Variants in HS3ST4 observed in about 807,000 individuals in gnomAD.
The protein encoded by HS3ST4 is heparan sulfate glucosamine 3-O-sulfotransferase 4.
In HS3ST4, 17 loss-of-function variants were observed where a neutral mutation model predicts 29.2. The observed-to-expected ratio is 0.58, with a 90% CI of 0.40 to 0.87. The LOEUF (loss-of-function observed/expected upper bound fraction) is 0.87. HS3ST4 is among the 40% of genes least tolerant of loss of function. The pLI is 0.00. For missense variants in HS3ST4, 627 were observed against 634.5 expected, an observed-to-expected ratio of 0.99 and a Z score of 0.13; for synonymous variants, 314 against 285.7, an observed-to-expected ratio of 1.10 and a Z score of -1.00.
chr16:25,957,230 C>T (rs1448275322), intron 1 of HS3ST4, among the ~76,000 whole-genome samples: 1 of 152,148 alleles, frequency 6.6e-6, no homozygotes, highest in African/African-American at 2.4e-5. Flanking sequence ...AAAAACCTCC[C>T]CCATGTTTCA....
At chr16:25,917,569 A>G (rs1298265213) in intron 1 of HS3ST4, among the ~76,000 whole-genome samples, 1 of 152,160 alleles carries the variant, frequency 6.6e-6, no homozygotes. Flanking sequence ...TAGGTGGACT[A>G]TGTGGAGTGA....
At chr16:26,131,629 C>A (rs1899420679) in intron 1 of HS3ST4, among the ~76,000 whole-genome samples, 1 of 152,172 alleles carries the variant, frequency 6.6e-6, no homozygotes, top group Non-Finnish European at 1.5e-5. Flanking sequence ...ATCCAAAGCC[C>A]AGGTTAGCAG....
chr16:25,873,127 T>G (rs961331791), intron 1 of HS3ST4, among the ~76,000 whole-genome samples: 1 of 151,998 alleles, frequency 6.6e-6, no homozygotes, highest in African/African-American at 2.4e-5. Context: ...GCTTCAGCTT[T>G]CTTTCTTTCT....
chr16:26,109,447 G>A (rs775846158), intron 1 of HS3ST4, among the ~76,000 whole-genome samples: 123 of 152,278 alleles, frequency 8.1e-4, no homozygotes, highest in Non-Finnish European at 4.9e-4. Flanking sequence ...ATTCGTCTGA[G>A]GGTGGGGAGA....
chr16:25,793,803 C>A (rs923638209), intron 1 of HS3ST4, among the ~76,000 whole-genome samples: 1 of 151,962 alleles, frequency 6.6e-6, no homozygotes, highest in East Asian at 1.9e-4. Flanking sequence ...ATAAACATTT[C>A]TTTTTTACCT....
intron 1 of HS3ST4, among the ~76,000 whole-genome samples, chr16:25,828,301 C>CTCTTT (rs1555467593): frequency 3.0e-5 from 1 of 32,882 alleles, no homozygotes; most frequent in Non-Finnish European, 5.5e-5. Context: ...TCTTTCTTTC[C>CTCTTT]CTCTCTCTCT....
intron 1 of HS3ST4, among the ~76,000 whole-genome samples, chr16:25,703,242 A>C (rs1191682172): frequency 6.6e-6 from 1 of 152,192 alleles, no homozygotes; most frequent in Non-Finnish European, 1.5e-5. Flanking sequence ...CATAGCAAAA[A>C]GTGAATCAGA....
In HS3ST4 at chr16:25,692,424, C is replaced by T. The variant is rs1387862537; in HGVS notation, c.7C>T (p.Arg3Trp). 7.4e-6 allele frequency: 8 copies of T among 1,077,896 alleles called. No individual in the cohort carries two copies. Among genetic ancestry groups the T allele is most frequent in the Admixed American group, 4.9e-5 (1 of 20,608 alleles). 66.8% of individuals were successfully genotyped at this position (1,077,896 alleles called of 1,614,324 possible). A position where few individuals can be genotyped will look rare whatever the true frequency, so the allele number is the denominator to read the frequency against. ...CCGCGAGCCGGGAGCCGCGATGGCC[C>T]GGTGGCCCGCACCTCCTCCGCCTCC... Reference protein sequence around the residue: MARWPAPPPPPPP... With the variant: MAWWPAPPPPPPP... The change falls in exon 1 of 2, where the codon CGG becomes TGG. Residue 3 changes from arginine (R) to tryptophan (W), a missense_variant. Coordinates refer to ENST00000331351, the MANE Select transcript of HS3ST4 (RefSeq NM_006040.3).
At chr16:25,863,587 TAATTA>T (rs750243180) in intron 1 of HS3ST4, among the ~76,000 whole-genome samples, 2 of 152,184 alleles carry the variant, frequency 1.3e-5, no homozygotes, top group Non-Finnish European at 1.5e-5. Context: ...TAGTTTTGAC[TAATTA>T]AATTAAAGAA....
chr16:25,795,080 T>A (rs1238112035), intron 1 of HS3ST4, among the ~76,000 whole-genome samples: 1 of 152,034 alleles, frequency 6.6e-6, no homozygotes, highest in African/African-American at 2.4e-5. Context: ...CAAGTGATTC[T>A]TCTGCCTCAG....
At chr16:26,076,593 C>CT (rs1430335596) in intron 1 of HS3ST4, among the ~76,000 whole-genome samples, 2 of 152,206 alleles carry the variant, frequency 1.3e-5, no homozygotes, top group East Asian at 3.9e-4. Flanking sequence ...CTCCCACTCA[C>CT]TACCTGGGTA....
chr16:26,126,603 A>G (rs868838627), intron 1 of HS3ST4, among the ~76,000 whole-genome samples: 1 of 152,216 alleles, frequency 6.6e-6, no homozygotes, highest in Non-Finnish European at 1.5e-5. Flanking sequence ...GTTTGGGTAG[A>G]CAAGTCTAGG....
chr16:25,911,638 C>T (rs1417244264), intron 1 of HS3ST4, among the ~76,000 whole-genome samples: 3 of 150,208 alleles, frequency 2.0e-5, no homozygotes, highest in Non-Finnish European at 4.4e-5. Flanking sequence ...TCCTTAGTAG[C>T]TGGGACTATT....
chr16:26,035,494 C>T (rs1458834016), intron 1 of HS3ST4, among the ~76,000 whole-genome samples: 1 of 152,234 alleles, frequency 6.6e-6, no homozygotes, highest in African/African-American at 2.4e-5. Flanking sequence ...AGAGCTACCT[C>T]TATTGGTGAA....
chr16:26,010,181 C>T (rs778021923), intron 1 of HS3ST4, among the ~76,000 whole-genome samples: 5 of 152,100 alleles, frequency 3.3e-5, no homozygotes, highest in African/African-American at 1.2e-4. Flanking sequence ...TGGCCCGGCG[C>T]GGTGACTCAT....
chr16:25,939,070 G>A (rs962282017), intron 1 of HS3ST4, among the ~76,000 whole-genome samples: 12 of 151,992 alleles, frequency 7.9e-5, no homozygotes, highest in Non-Finnish European at 1.5e-4. Flanking sequence ...AATTAGAATC[G>A]TTTAACCACT....
chr16:25,972,974 G>A (rs1192457204), intron 1 of HS3ST4, among the ~76,000 whole-genome samples: 1 of 152,104 alleles, frequency 6.6e-6, no homozygotes, highest in African/African-American at 2.4e-5. Context: ...GTTTCCTACT[G>A]GATCAAATAC....
intron 1 of HS3ST4, among the ~76,000 whole-genome samples, chr16:25,932,573 C>T (rs1028710513): frequency 6.6e-6 from 1 of 152,126 alleles, no homozygotes; most frequent in African/African-American, 2.4e-5. Context: ...TGTTATTACT[C>T]CCACTACCTC....
At chr16:25,957,161 G>A (rs1346226085) in intron 1 of HS3ST4, among the ~76,000 whole-genome samples, 1 of 152,068 alleles carries the variant, frequency 6.6e-6, no homozygotes, top group Non-Finnish European at 1.5e-5. Context: ...TTGCGGTCAG[G>A]GCTGGCCACA....
Sources: allele counts gnomAD v4.1 joint callset (sites outside exome capture counted in the v4.1 genomes callset), GRCh38; gene constraint gnomAD v4.1.1; transcripts MANE v1.5; gene names NCBI Gene and HGNC (gene_info 2026-07-23, HGNC 2026-07-21).